Variants in ZNF177 observed in about 807,000 individuals in gnomAD.
ZNF177 encodes the protein zinc finger protein 177.
Under a neutral mutation model 19.4 loss-of-function variants are expected in ZNF177, and 17 were observed. The observed-to-expected ratio is 0.87, with a 90% CI of 0.60 to 1.31. The LOEUF (loss-of-function observed/expected upper bound fraction) is 1.31, where lower values mean the gene tolerates loss of function less well. ZNF177 is among the 40% of genes most tolerant of loss of function. The pLI, the probability that ZNF177 is intolerant of heterozygous loss-of-function variation, is 0.00. For missense variants in ZNF177, 633 were observed against 561.8 expected (o/e 1.13, Z -1.28); for synonymous variants, 220 against 188.7 (o/e 1.17, Z -1.36).
chr19:9,381,763 A>G, exon 6 of ZNF177: 1 of 1,597,588 alleles, frequency 6.3e-7, no homozygotes, highest in South Asian at 1.1e-5. Context: ...CAATGGCCAG[A>G]AACTCCATGA....
chr19:9,369,268 GTTAT>G (rs563388333), intron 2 of ZNF177, among the ~76,000 whole-genome samples: 1 of 151,934 alleles, frequency 6.6e-6, no homozygotes, highest in Non-Finnish European at 1.5e-5. Flanking sequence ...GATGATTTGT[GTTAT>G]TTATCCTTTA....
chr19:9,367,320 A>G (rs2067993788), intron 2 of ZNF177, among the ~76,000 whole-genome samples: 1 of 152,142 alleles, frequency 6.6e-6, no homozygotes. Flanking sequence ...CTCAAAAAAA[A>G]AATAAAAATA....
At chr19:9,378,686 G>C (rs1458544247) in intron 2 of ZNF177, 2 of 543,516 alleles carry the variant, frequency 3.7e-6, no homozygotes, top group Non-Finnish European at 6.2e-6. Context: ...AAGACGAAAA[G>C]AGTCCTCACA....
In ZNF177 at chr19:9,378,239, G is replaced by GC; in HGVS notation, c.-53-19dup. 6.3e-7 allele frequency: 1 copy of GC among 1,598,032 alleles called. No homozygotes were observed. Among genetic ancestry groups the GC allele is most frequent in the Non-Finnish European group, 8.5e-7 (1 of 1,173,256 alleles). On this transcript the variant is annotated intron_variant, in intron 1 of 5. Transcript: ENST00000589262. ...CATCTAGCAGGCCTAGACTCTAATG[G>GC]CTTCTGTGTTCTCCTCTAGCTCTGC...
At chr19:9,371,330 C>T (rs1397536325) in intron 2 of ZNF177, among the ~76,000 whole-genome samples, 1 of 151,840 alleles carries the variant, frequency 6.6e-6, no homozygotes, top group Non-Finnish European at 1.5e-5. Context: ...TCTCTTCCTC[C>T]TCCCTTTTCA....
intron 3 of ZNF177, 93 bp downstream of exon 5, chr19:9,379,181 A>C: frequency 2.0e-6 from 3 of 1,466,150 alleles, no homozygotes; most frequent in Non-Finnish European, 2.7e-6. Context: ...ATAGCAATAC[A>C]GTGGTTAACC....
chr19:9,375,934 A>G (rs1321288615), upstream of ZNF177, among the ~76,000 whole-genome samples: 1 of 152,124 alleles, frequency 6.6e-6, no homozygotes, highest in Non-Finnish European at 1.5e-5. Flanking sequence ...CTTGAGGTGT[A>G]ACATTAAGCT....
At chr19:9,379,987 G>A (rs2068169153) in intron 4 of ZNF177, 70 bp from the exon 7 acceptor site, 2 of 1,540,190 alleles carry the variant, frequency 1.3e-6, no homozygotes, top group Non-Finnish European at 1.8e-6. Flanking sequence ...AATCCATAGG[G>A]TCTCCCTCCC....
intron 2 of ZNF177, among the ~76,000 whole-genome samples, chr19:9,369,577 C>T (rs1171429371): frequency 6.6e-6 from 1 of 152,080 alleles, no homozygotes; most frequent in Non-Finnish European, 1.5e-5. Context: ...GAATTTAGCC[C>T]ATCTGTACAC....
At chr19:9,380,598 G>A in intron 5 of ZNF177, 70 bp from the exon 8 acceptor site, 1 of 1,535,724 alleles carries the variant, frequency 6.5e-7, no homozygotes, top group Non-Finnish European at 8.7e-7. Flanking sequence ...GAATCCTCAT[G>A]GAAGAGAATT....
rs867307980 is a variant in ZNF177, at chr19:9,378,329, G to A, written c.18G>A (p.Leu6=). 1.8e-5 allele frequency: 29 copies of A among 1,613,704 alleles called. No individual in the cohort carries two copies. The Middle Eastern group carries it at 3.6e-3, about 202-fold the overall frequency. The change falls in exon 2 of 6, where the codon CTG becomes CTA. Residue 6 remains leucine (L), a synonymous_variant. Coordinates refer to ENST00000589262, the Ensembl canonical transcript of ZNF177. ...GAGGAAGAATGGCTGCAGGGTGGCT[G>A]ACAACCTGGTCACAGGTACACAAGA...
At chr19:9,365,699 C>T (rs549033376) in intron 2 of ZNF177, among the ~76,000 whole-genome samples, 4 of 152,030 alleles carry the variant, frequency 2.6e-5, no homozygotes, top group South Asian at 4.1e-4. Flanking sequence ...TGACCGGCGC[C>T]GGAGTTTTGG....
At chr19:9,374,663 T>G (rs918386070), upstream of ZNF177, among the ~76,000 whole-genome samples, 1 of 151,764 alleles carries the variant, frequency 6.6e-6, no homozygotes, top group Non-Finnish European at 1.5e-5. Context: ...TAGTTTTTTT[T>G]AGATAGTTTG....
upstream of ZNF177, among the ~76,000 whole-genome samples, chr19:9,372,673 G>A (rs1293108661): frequency 6.7e-6 from 1 of 149,546 alleles, no homozygotes; most frequent in Non-Finnish European, 1.5e-5. Flanking sequence ...CCCCTCCCGA[G>A]TAGCTGGGAT....
intron 2 of ZNF177, among the ~76,000 whole-genome samples, chr19:9,367,618 C>A (rs2067997648): frequency 6.6e-6 from 1 of 152,062 alleles, no homozygotes; most frequent in African/African-American, 2.4e-5. Context: ...TGAAATTTGC[C>A]TATAATTTTG....
upstream of ZNF177, among the ~76,000 whole-genome samples, chr19:9,373,868 T>C (rs536350106): frequency 6.6e-6 from 1 of 152,306 alleles, no homozygotes; most frequent in East Asian, 1.9e-4. Context: ...AGGTTGCTTT[T>C]TCATTTTGTT....
intron 3 of ZNF177, 165 bp downstream of exon 5, chr19:9,379,253 GATTT>G: frequency 8.1e-7 from 1 of 1,239,704 alleles, no homozygotes; most frequent in Non-Finnish European, 1.1e-6. Context: ...AAAATGCACT[GATTT>G]CATTTTCTCT....
At chr19:9,382,198 A>T (rs1163359317), downstream of ZNF177, 3 of 405,434 alleles carry the variant, frequency 7.4e-6, no homozygotes, top group East Asian at 1.1e-4. Flanking sequence ...CAAGCTGGCA[A>T]TGTGGACAGT....
chr19:9,374,778 G>A (rs1306029431), upstream of ZNF177, among the ~76,000 whole-genome samples: 1 of 151,866 alleles, frequency 6.6e-6, no homozygotes, highest in African/African-American at 2.4e-5. Flanking sequence ...GGGTTTTCTA[G>A]ATACAATATC....
Sources: allele counts gnomAD v4.1 joint callset (sites outside exome capture counted in the v4.1 genomes callset), GRCh38; gene constraint gnomAD v4.1.1; transcripts MANE v1.5; gene names NCBI Gene and HGNC (gene_info 2026-07-23, HGNC 2026-07-21).